ZNF532: variants seen among roughly 807,000 people sequenced by gnomAD.
The protein encoded by ZNF532 is zinc finger protein 532.
A neutral mutation model predicts 89.3 loss-of-function variants in ZNF532; 22 were observed. The observed-to-expected ratio is 0.25, with a 90% CI of 0.18 to 0.35. ZNF532 has a LOEUF of 0.35. Among genes scored for constraint, ZNF532 ranks in the 10% least tolerant of loss-of-function variants. ZNF532 has a pLI of 1.00. For missense variants in ZNF532, 1,132 were observed against 1,643.4 expected, an observed-to-expected ratio of 0.69 and a Z score of 5.38; for synonymous variants, 606 against 649.6, an observed-to-expected ratio of 0.93 and a Z score of 1.02.
chr18:58,880,774 C>CTGTG (rs1491083377), intron 2 of ZNF532, among the ~76,000 whole-genome samples: 1 of 142,242 alleles, frequency 7.0e-6, no homozygotes, highest in Admixed American at 6.9e-5. Flanking sequence ...GCGCGCGCGT[C>CTGTG]TGTGTGTGTG....
At chr18:58,904,911 C>T (rs1191319811) in intron 2 of ZNF532, among the ~76,000 whole-genome samples, 10 of 150,148 alleles carry the variant, frequency 6.7e-5, no homozygotes, top group African/African-American at 1.7e-4. Context: ...GCACGATCTT[C>T]GCTCACTGCA....
chr18:58,874,702 T>G, intron 2 of ZNF532, among the ~76,000 whole-genome samples: 1 of 152,228 alleles, frequency 6.6e-6, no homozygotes, highest in Admixed American at 6.5e-5. Context: ...AATTTTCCAC[T>G]GAGTGGCTGT....
At chr18:58,902,016 C>T (rs778334924) in intron 2 of ZNF532, among the ~76,000 whole-genome samples, 1 of 152,192 alleles carries the variant, frequency 6.6e-6, no homozygotes, top group Non-Finnish European at 1.5e-5. Flanking sequence ...TCTCTAACAG[C>T]GGTTTCTCCA....
chr18:58,939,347 TA>T (rs1243560964), intron 4 of ZNF532, 97 bp from the exon 5 acceptor site: 1 of 844,972 alleles, frequency 1.2e-6, no homozygotes, highest in African/African-American at 1.8e-5. Flanking sequence ...ATTAAAAACC[TA>T]AAAGGGCTAT....
At chr18:58,934,274 C>T in intron 3 of ZNF532, 159 bp from the exon 4 acceptor site, 1 of 622,958 alleles carries the variant, frequency 1.6e-6, no homozygotes, top group Non-Finnish European at 2.8e-6. Flanking sequence ...GTACGCTGGA[C>T]ATGTAACTTT....
At chr18:58,962,547 C>G (rs1297597299) in intron 7 of ZNF532, among the ~76,000 whole-genome samples, 2 of 152,006 alleles carry the variant, frequency 1.3e-5, no homozygotes, top group East Asian at 3.9e-4. Flanking sequence ...GCCCAGCACA[C>G]TTGGTGCTCA....
chr18:58,922,932 A>G (rs901935198), intron 3 of ZNF532, among the ~76,000 whole-genome samples: 1 of 152,160 alleles, frequency 6.6e-6, no homozygotes, highest in East Asian at 1.9e-4. Context: ...TTTAGGCTCA[A>G]CAGCCAAACT....
At chr18:58,904,422 A>G (rs1190212948) in intron 2 of ZNF532, among the ~76,000 whole-genome samples, 4 of 152,086 alleles carry the variant, frequency 2.6e-5, no homozygotes, top group Non-Finnish European at 5.9e-5. Context: ...CCATGATTAA[A>G]AAAAGCTAAA....
intron 2 of ZNF532, among the ~76,000 whole-genome samples, chr18:58,888,701 A>ATATATATGTATATATATATATATAAAT (rs1568244275): frequency 4.1e-5 from 2 of 48,846 alleles, no homozygotes; most frequent in African/African-American, 2.4e-4. Flanking sequence ...AAAAAATTAT[A>ATATATATGTATATATATATATATAAAT]TATATATATA....
chr18:58,944,266 T>C (rs1371565085), intron 5 of ZNF532, among the ~76,000 whole-genome samples: 1 of 152,168 alleles, frequency 6.6e-6, no homozygotes, highest in African/African-American at 2.4e-5. Context: ...TCTGGAGAGT[T>C]TGTTGCTGTA....
upstream of ZNF532, chr18:58,863,303 C>A (rs960946248): frequency 5.3e-5 from 8 of 151,578 alleles, no homozygotes; most frequent in African/African-American, 1.5e-4. Flanking sequence ...GAGCCAGCGG[C>A]CCCGTATGGG....
chr18:58,939,484 T>G lies in ZNF532; in HGVS notation c.2568T>G (p.Ala856=). 6.2e-7 allele frequency: 1 copy of G among 1,614,096 alleles called. No homozygotes were observed. The highest frequency in any genetic ancestry group is 8.5e-7 in the Non-Finnish European group (1 of 1,180,018). ...ATGTTGTGTACTCTGATGTGGCTGC[T>G]CTGAAGTCTCACATTCAAGGTTCTC... is the stretch of plus-strand genomic sequence containing the variant. The part of the protein sequence containing the change: ...HCNVVYSDVA[A]LKSHIQGSHC... The change falls in exon 5 of 10, where the codon GCT becomes GCG. Residue 856 remains alanine, a synonymous_variant. Coordinates refer to ENST00000591808, the MANE Select transcript of ZNF532 (RefSeq NM_001375912.1).
intron 2 of ZNF532, among the ~76,000 whole-genome samples, chr18:58,908,592 A>C (rs1433501760): frequency 1.3e-5 from 2 of 152,252 alleles, no homozygotes; most frequent in African/African-American, 2.4e-5. Context: ...GTTGCCTTTG[A>C]TATTAGCTAA....
At position 58,918,687 on chromosome 18, in the gene ZNF532, A is replaced by G. The variant is rs1603076077; in HGVS notation, c.400A>G (p.Ser134Gly). ...ATTCAGCCAGTTTAGCCCGATCTCCAGTGCTGAAGAGTTTGATGACGACGA... is the reference window on the plus strand; with the variant it reads ...ATTCAGCCAGTTTAGCCCGATCTCCGGTGCTGAAGAGTTTGATGACGACGA... ...STFSQFSPISSAEEFDDDEKI... is the reference protein window; with the variant it reads ...STFSQFSPISGAEEFDDDEKI... Residue 134 changes from serine (S) to glycine (G), a missense_variant, in exon 3 of 10, where the codon AGT becomes GGT. Around this residue, in one of 9 missense-constraint regions of ZNF532, gnomAD observed 302 missense variants for 319.8 expected, o/e 0.94. Coordinates refer to ENST00000591808, the MANE Select transcript of ZNF532 (RefSeq NM_001375912.1). The G allele has an allele frequency of 5.6e-6, 9 of 1,614,170 alleles. No individual in the cohort carries two copies. Among genetic ancestry groups the G allele is most frequent in the Non-Finnish European group, 7.6e-6 (9 of 1,180,022 alleles).
chr18:58,967,516 G>A (rs925386030), intron 7 of ZNF532, among the ~76,000 whole-genome samples: 1 of 152,140 alleles, frequency 6.6e-6, no homozygotes, highest in African/African-American at 2.4e-5. Flanking sequence ...GTTATCACCA[G>A]TAGGTCTCTT....
At chr18:58,949,870 G>A (rs1287939233) in intron 6 of ZNF532, among the ~76,000 whole-genome samples, 3 of 152,214 alleles carry the variant, frequency 2.0e-5, no homozygotes, top group Non-Finnish European at 4.4e-5. Context: ...TTCCAGGCAA[G>A]GTAAAGATAG....
intron 8 of ZNF532, chr18:58,981,213 C>T: frequency 2.2e-6 from 1 of 456,236 alleles, no homozygotes; most frequent in South Asian, 2.2e-5. Context: ...GGTGCTCATT[C>T]TGAGAGAATA....
At chr18:58,910,437 A>G (rs944214179) in intron 2 of ZNF532, among the ~76,000 whole-genome samples, 1 of 152,090 alleles carries the variant, frequency 6.6e-6, no homozygotes, top group South Asian at 2.1e-4. Context: ...TTTTATTTTT[A>G]AATTTAATAT....
chr18:58,880,771 C>CGTGTGTGTGTGTGTGTGTGTGTGT lies in ZNF532; in HGVS notation c.-18+15194_-18+15195insGTGTGTGTGTGTGTGTGTGTGTGT, dbSNP rs1555704786. Among the ~76,000 whole-genome samples the CGTGTGTGTGTGTGTGTGTGTGTGT allele has an allele frequency of 4.7e-3, 682 of 145,350 alleles. 7 individuals carry two copies. Among genetic ancestry groups the CGTGTGTGTGTGTGTGTGTGTGTGT allele is most frequent in the African/African-American group, 0.015 (596 of 39,534 alleles). On this transcript the variant is annotated intron_variant, in intron 2 of 9. Coordinates refer to ENST00000591808, the MANE Select transcript of ZNF532 (RefSeq NM_001375912.1). ...TCATAGGCGCGCGCGCACGCGCGCG[C>CGTGTGTGTGTGTGTGTGTGTGTGT]GTCTGTGTGTGTGTGTGTATGTTTG...
Sources: gnomAD v4.1 joint callset for allele counts (sites outside exome capture counted in the v4.1 genomes callset) on GRCh38, gnomAD v4.1.1 for gene constraint, gnomAD v4.1.1 regional missense constraint, MANE v1.5 for transcripts, NCBI Gene and HGNC (gene_info 2026-07-23, HGNC 2026-07-21) for gene names.